ERC2: variants seen among roughly 807,000 people sequenced by gnomAD.
ERC2 encodes the protein ELKS/RAB6-interacting/CAST family member 2.
Under a neutral mutation model 114.8 loss-of-function variants are expected in ERC2, and 42 were observed. The ratio of observed to expected loss-of-function variants is 0.37; its 90% CI spans 0.29 to 0.47. The LOEUF (loss-of-function observed/expected upper bound fraction) is 0.47. Among genes scored for constraint, ERC2 ranks in the 20% least tolerant of loss-of-function variants. ERC2 has a pLI of 0.99. For missense variants in ERC2, 939 were observed against 1,150.7 expected, an observed-to-expected ratio of 0.82 and a Z score of 2.66; for synonymous variants, 454 against 425.5, an observed-to-expected ratio of 1.07 and a Z score of -0.82.
intron 4 of ERC2, among the ~76,000 whole-genome samples, chr3:56,150,659 C>T (rs914436270): frequency 2.0e-5 from 3 of 152,008 alleles, no homozygotes; most frequent in African/African-American, 7.3e-5. Flanking sequence ...ATGGAGAAAA[C>T]CTCTAATCCT....
Position 55,950,544 on chromosome 3 carries a change from T to C in ERC2, c.2284A>G (p.Asn762Asp). The change falls in exon 13 of 18, where the codon AAT becomes GAT. Residue 762 changes from asparagine (N) to aspartate (D), a missense_variant. Coordinates refer to ENST00000288221, the MANE Select transcript of ERC2 (RefSeq NM_015576.3). ...TGCTTGAGGTTGGCCACCTTCTTAT[T>C]CTGATCTTTCATATGCCTGAGAAAA... is the stretch of plus-strand genomic sequence containing the variant. ...SLTLRHMKDQNKKVANLKHNQ... is the reference protein window; with the variant it reads ...SLTLRHMKDQDKKVANLKHNQ... The C allele has an allele frequency of 6.2e-7, 1 of 1,614,056 alleles. No individual in the cohort carries two copies. The highest frequency in any genetic ancestry group is 8.5e-7 in the Non-Finnish European group (1 of 1,179,900).
At chr3:56,357,269 TG>T (rs2058779869) in intron 2 of ERC2, among the ~76,000 whole-genome samples, 3 of 152,238 alleles carry the variant, frequency 2.0e-5, no homozygotes, top group African/African-American at 7.2e-5. Flanking sequence ...ACTGGGGGCC[TG>T]TTAGAAGCCA....
chr3:55,681,090 G>T (rs6445752), intron 17 of ERC2, among the ~76,000 whole-genome samples: 6 of 151,848 alleles, frequency 4.0e-5, no homozygotes, highest in Non-Finnish European at 8.8e-5. Flanking sequence ...GCTCTAGGGG[G>T]TGTCAAAACT....
intron 6 of ERC2, among the ~76,000 whole-genome samples, chr3:56,085,261 T>G (rs6779576): frequency 0.94 from 142,747 of 152,234 alleles, 67,153 homozygotes; most frequent in East Asian, 1. Context: ...ACAGGGAAGT[T>G]GGGGGAGTAG....
Position 56,007,225 on chromosome 3 carries a change from G to A in ERC2, c.2017C>T (p.Gln673Ter). Residue 673 changes from glutamine (Q) to a stop codon, truncating the protein, a stop_gained, in exon 10 of 18, where the codon CAA (glutamine) becomes TAA (stop). Transcript: ENST00000288221. LOFTEE classifies it high-confidence loss of function. ...KLKSLEIAIE[Q>*]KKEECSKLEA... ...AATTTGCTACATTCCTCTTTCTTTT[G>A]TTCAATGGCTATTTCTAGAGATTTT... The A allele has an allele frequency of 6.3e-7, 1 of 1,575,166 alleles. No homozygotes were observed. Among genetic ancestry groups the A allele is most frequent in the Non-Finnish European group, 8.6e-7 (1 of 1,159,040 alleles).
intron 7 of ERC2, among the ~76,000 whole-genome samples, chr3:56,042,146 C>T (rs1406007218): frequency 1.3e-5 from 2 of 152,156 alleles, no homozygotes; most frequent in African/African-American, 4.8e-5. Flanking sequence ...TGCACCTGCA[C>T]ATATAGTTAT....
chr3:55,875,800 A>G (rs1340245397), intron 14 of ERC2, among the ~76,000 whole-genome samples: 2 of 152,032 alleles, frequency 1.3e-5, no homozygotes, highest in Non-Finnish European at 2.9e-5. Flanking sequence ...CAAAATTACA[A>G]TCTAGCAAGA....
At chr3:56,427,293 T>C (rs1345677906) in intron 2 of ERC2, among the ~76,000 whole-genome samples, 2 of 152,140 alleles carry the variant, frequency 1.3e-5, no homozygotes, top group South Asian at 2.1e-4. Context: ...AGTTGGTTGA[T>C]TGGTTGGTTG....
chr3:56,032,974 A>T (rs1377344769), intron 7 of ERC2, among the ~76,000 whole-genome samples: 1 of 82,882 alleles, frequency 1.2e-5, no homozygotes, highest in African/African-American at 4.4e-5. Flanking sequence ...AGAAAGAAAG[A>T]AAGAGAAAGA....
chr3:56,224,976 G>A (rs2050155674), intron 3 of ERC2, among the ~76,000 whole-genome samples: 1 of 152,042 alleles, frequency 6.6e-6, no homozygotes, highest in South Asian at 2.1e-4. Flanking sequence ...GATAAGAGGG[G>A]ACCTGCTCCC....
intron 3 of ERC2, among the ~76,000 whole-genome samples, chr3:56,192,588 C>T (rs532136865): frequency 6.6e-6 from 1 of 152,208 alleles, no homozygotes; most frequent in South Asian, 2.1e-4. Flanking sequence ...TGGTGAGCAG[C>T]TGATGTGATT....
intron 14 of ERC2, among the ~76,000 whole-genome samples, chr3:55,789,716 T>C (rs139216172): frequency 6.6e-5 from 10 of 152,268 alleles, no homozygotes; most frequent in Admixed American, 1.3e-4. Flanking sequence ...AGAAAGGCAC[T>C]ACAGAAAGAA....
At chr3:55,712,778 C>G (rs908417177) in intron 15 of ERC2, among the ~76,000 whole-genome samples, 3 of 152,164 alleles carry the variant, frequency 2.0e-5, no homozygotes, top group African/African-American at 4.8e-5. Flanking sequence ...GGGCAGCTCA[C>G]GTCTTCAGAT....
intron 14 of ERC2, among the ~76,000 whole-genome samples, chr3:55,803,891 C>T (rs536781076): frequency 6.6e-5 from 10 of 152,268 alleles, no homozygotes; most frequent in Admixed American, 2.6e-4. Context: ...TCAGTCCCCA[C>T]TTTCCATGCC....
At chr3:55,582,111 C>G (rs962753891) in intron 17 of ERC2, among the ~76,000 whole-genome samples, 8 of 152,130 alleles carry the variant, frequency 5.3e-5, no homozygotes, top group African/African-American at 4.8e-5. Flanking sequence ...TTGCTCAGGT[C>G]TCAGCTAAAA....
chr3:55,579,849 T>C (rs895142613), intron 17 of ERC2, among the ~76,000 whole-genome samples: 3 of 152,226 alleles, frequency 2.0e-5, no homozygotes. Context: ...AAAAGAATGC[T>C]CCTTCCTGCA....
At chr3:56,340,546 G>A (rs2058048702) in intron 2 of ERC2, among the ~76,000 whole-genome samples, 1 of 137,238 alleles carries the variant, frequency 7.3e-6, no homozygotes. Context: ...GAGTGAATGT[G>A]TGTGTGTGTG....
At chr3:55,733,833 T>C (rs1041460270) in intron 15 of ERC2, among the ~76,000 whole-genome samples, 4 of 152,168 alleles carry the variant, frequency 2.6e-5, no homozygotes. Flanking sequence ...ACATGGTTAC[T>C]GTGTGGCCAT....
intron 17 of ERC2, among the ~76,000 whole-genome samples, chr3:55,587,869 G>T (rs2057678295): frequency 6.6e-6 from 1 of 152,070 alleles, no homozygotes; most frequent in Admixed American, 6.6e-5. Context: ...CACAGCCAGG[G>T]GTAAGAGGCT....
Sources: gnomAD v4.1 joint callset for allele counts (sites outside exome capture counted in the v4.1 genomes callset) on GRCh38, gnomAD v4.1.1 for gene constraint, MANE v1.5 for transcripts, NCBI Gene and HGNC (gene_info 2026-07-23, HGNC 2026-07-21) for gene names.